Variants in MYH11 observed in about 807,000 individuals in gnomAD.
MYH11 encodes the protein myosin heavy chain 11.
In MYH11, 80 loss-of-function variants were observed where a neutral mutation model predicts 246.6. The observed-to-expected ratio is 0.32, with a 90% CI of 0.27 to 0.39. The LOEUF (loss-of-function observed/expected upper bound fraction) is 0.39. Ranked by LOEUF, MYH11 falls within the 10% of genes least tolerant of loss-of-function variation. The pLI, the probability that MYH11 is intolerant of heterozygous loss-of-function variation, is 1.00. For synonymous variants in MYH11, 1,071 were observed against 1,015.5 expected, an observed-to-expected ratio of 1.05 and a Z score of -1.04; for missense variants, 2,158 against 2,546.8, an observed-to-expected ratio of 0.85 and a Z score of 3.29.
At chr16:15,772,260 T>G (rs1049613524) in intron 8 of MYH11, among the ~76,000 whole-genome samples, 9 of 151,774 alleles carry the variant, frequency 5.9e-5, no homozygotes, top group African/African-American at 1.7e-4. Flanking sequence ...CCCGGCTAAA[T>G]TTTGTATTTT....
chr16:15,808,898 A>G (rs1483178749), intron 3 of MYH11, among the ~76,000 whole-genome samples: 1 of 152,094 alleles, frequency 6.6e-6, no homozygotes, highest in African/African-American at 2.4e-5. Flanking sequence ...GTCTCAAAAA[A>G]TATATAATAA....
Position 15,732,588 on chromosome 16 carries a change from T to C in MYH11, c.3627A>G (p.Thr1209=), listed in dbSNP as rs865993424. 1 of 1,614,256 alleles carries C rather than the reference T, an allele frequency of 6.2e-7. No homozygotes were observed. Among genetic ancestry groups the C allele is most frequent in the Non-Finnish European group, 8.5e-7 (1 of 1,180,046 alleles). Reference sequence around the variant, plus strand: ...CCCTCTTGAACTGCTCAAGCTGCTCTGTGAGCTCCTCCACCGCCTGTGCGT... The same window carrying C: ...CCCTCTTGAACTGCTCAAGCTGCTCCGTGAGCTCCTCCACCGCCTGTGCGT... ...QKHAQAVEEL[T]EQLEQFKRAK... Residue 1209 remains threonine, a synonymous_variant, in exon 27 of 41, where the codon ACA becomes ACG. Coordinates refer to ENST00000300036, the MANE Select transcript of MYH11 (RefSeq NM_002474.3).
chr16:15,714,662 C>G (rs955066780), intron 40 of MYH11: 2 of 593,304 alleles, frequency 3.4e-6, no homozygotes, highest in East Asian at 5.6e-5. Flanking sequence ...GCCGGAGGAC[C>G]GGATGGGAGA....
intron 22 of MYH11, 122 bp from the exon 23 acceptor site, chr16:15,740,310 AAAGG>A: frequency 6.7e-7 from 1 of 1,481,844 alleles, no homozygotes; most frequent in Non-Finnish European, 9.3e-7. Context: ...TAGCCTCCTA[AAAGG>A]AAGAAATAAA....
At chr16:15,754,600 CTT>C (rs780039670) in intron 14 of MYH11, among the ~76,000 whole-genome samples, 15 of 152,268 alleles carry the variant, frequency 9.9e-5, no homozygotes, top group South Asian at 2.1e-4. Context: ...AGTTGGGAAA[CTT>C]TTGGTGAAGG....
intron 13 of MYH11, 102 bp downstream of exon 13, chr16:15,757,725 A>G (rs1212397595): frequency 3.5e-6 from 5 of 1,432,684 alleles, no homozygotes; most frequent in Non-Finnish European, 3.9e-6. Flanking sequence ...GGGTGGGGGA[A>G]TGCTATGTGC....
In MYH11 at chr16:15,721,032, G is replaced by A. The variant is rs748529935; in HGVS notation, c.4598C>T (p.Ser1533Phe). The A allele has an allele frequency of 3.1e-6, 5 of 1,613,852 alleles. No individual in the cohort carries two copies. In the Admixed American group the frequency reaches 8.3e-5, roughly 27 times the overall value. ...CATCTGGGTCTCCAGGGCCCGCTTG[G>A]ACTTCTCCAGCTCATGGACCTGCCG... ...VGKNVHELEK[S>F]KRALETQMEE... Residue 1533 changes from serine (S) to phenylalanine (F), a missense_variant, in exon 33 of 41, where the codon TCC becomes TTC. Ser to Phe is a radical substitution (Grantham distance 155). Coordinates refer to ENST00000300036, the MANE Select transcript of MYH11 (RefSeq NM_002474.3).
At chr16:15,835,242 G>C (rs948385824) in intron 2 of MYH11, among the ~76,000 whole-genome samples, 1 of 151,972 alleles carries the variant, frequency 6.6e-6, no homozygotes, top group Admixed American at 6.6e-5. Context: ...GGTATCTTTG[G>C]GGCTTCCTGA....
chr16:15,842,521 T>C (rs143007796), intron 1 of MYH11, among the ~76,000 whole-genome samples: 3,528 of 151,592 alleles, frequency 0.023, 72 homozygotes, highest in Middle Eastern at 0.037. Flanking sequence ...TAGCACTTTG[T>C]TGGGGCTGAG....
intron 3 of MYH11, among the ~76,000 whole-genome samples, chr16:15,803,438 G>A (rs1209013066): frequency 6.6e-6 from 1 of 151,896 alleles, no homozygotes. Flanking sequence ...CACCACGCCT[G>A]GCTAATTTTT....
At position 15,803,083 on chromosome 16, in the gene MYH11, G is replaced by A. The variant is rs540166097; in HGVS notation, c.503-4396C>T. Among the ~76,000 whole-genome samples, 67 of 151,746 alleles carry A rather than the reference G, an allele frequency of 4.4e-4. 1 individual carries two copies. Among genetic ancestry groups the A allele is most frequent in the Non-Finnish European group, 7.4e-5 (5 of 67,924 alleles). On this transcript the variant is annotated intron_variant, in intron 3 of 40. Coordinates refer to ENST00000300036, the MANE Select transcript of MYH11 (RefSeq NM_002474.3). ...ACCCAGGAGGTGGAGGTTGCAGTGA[G>A]TTGAGATTTTGCCACTGCACTCCAG...
intron 40 of MYH11, among the ~76,000 whole-genome samples, chr16:15,709,439 C>G (rs985410252): frequency 1.3e-5 from 2 of 152,056 alleles, no homozygotes; most frequent in Non-Finnish European, 2.9e-5. Flanking sequence ...CTCAGCCTCC[C>G]GAGTAGCTGG....
intron 40 of MYH11, chr16:15,708,974 T>A (rs2039625626): frequency 1.0e-6 from 1 of 975,232 alleles, no homozygotes; most frequent in African/African-American, 1.6e-5. Context: ...TTTGAGATAG[T>A]CTCTGTCACC....
At chr16:15,778,338 G>C (rs1276241350) in intron 7 of MYH11, among the ~76,000 whole-genome samples, 1 of 152,202 alleles carries the variant, frequency 6.6e-6, no homozygotes, top group Non-Finnish European at 1.5e-5. Flanking sequence ...GACAATGGCT[G>C]AATAAGGATG....
intron 3 of MYH11, among the ~76,000 whole-genome samples, chr16:15,799,879 G>A (rs1299620001): frequency 6.6e-6 from 1 of 152,194 alleles, no homozygotes; most frequent in Non-Finnish European, 1.5e-5. Flanking sequence ...CACATAGATG[G>A]TAGGTGCTGA....
At chr16:15,841,744 C>G (rs2044057567) in intron 1 of MYH11, among the ~76,000 whole-genome samples, 1 of 152,224 alleles carries the variant, frequency 6.6e-6, no homozygotes, top group Admixed American at 6.5e-5. Context: ...CCTGGAAACA[C>G]TGGCTTACAG....
intron 2 of MYH11, among the ~76,000 whole-genome samples, chr16:15,834,391 T>C (rs893903714): frequency 2.6e-5 from 4 of 151,916 alleles, no homozygotes; most frequent in African/African-American, 9.7e-5. Flanking sequence ...CCAGGCATGG[T>C]GGCACATCCC....
chr16:15,749,982 A>T, intron 16 of MYH11, 156 bp downstream of exon 16: 1 of 926,188 alleles, frequency 1.1e-6, no homozygotes, highest in Non-Finnish European at 1.6e-6. Flanking sequence ...CTTTTCCTCC[A>T]GGGATGGGGA....
chr16:15,725,803 G>A (rs1596735311), intron 28 of MYH11: 3 of 398,216 alleles, frequency 7.5e-6, no homozygotes, highest in South Asian at 1.3e-4. Flanking sequence ...AGTGAAAGAA[G>A]ACCAAAGACA....
Sources: allele counts gnomAD v4.1 joint callset (sites outside exome capture counted in the v4.1 genomes callset), GRCh38; gene constraint gnomAD v4.1.1; transcripts MANE v1.5; gene names NCBI Gene and HGNC (gene_info 2026-07-23, HGNC 2026-07-21).